GLI2: variants seen among roughly 807,000 people sequenced by gnomAD.
GLI2 encodes the protein GLI family zinc finger 2.
A neutral mutation model predicts 78.9 loss-of-function variants in GLI2; 22 were observed. The observed-to-expected ratio is 0.28, with a 90% CI of 0.20 to 0.40. The LOEUF (loss-of-function observed/expected upper bound fraction) is 0.40, where lower values mean the gene tolerates loss of function less well. Among genes scored for constraint, GLI2 ranks in the 10% least tolerant of loss-of-function variants. The probability of loss-of-function intolerance (pLI) is 1.00; values close to 1 mark genes in which losing one functional copy is unlikely to be tolerated. For synonymous variants in GLI2, 974 were observed against 963.7 expected (o/e 1.01, Z -0.20); for missense variants, 2,097 against 2,213.2 (o/e 0.95, Z 1.05).
rs138015831 is a variant in GLI2 at position 120,852,787 on chromosome 2, G to A, written c.148+55319G>A. Reference sequence around the variant, plus strand: ...TGGTACTGAGCACCCCGTATGCCTTGGTAGGTCATCAGGACCTTTGCCATT... The same window carrying A: ...TGGTACTGAGCACCCCGTATGCCTTAGTAGGTCATCAGGACCTTTGCCATT... On this transcript the variant is annotated intron_variant, in intron 2 of 13. Coordinates refer to ENST00000361492, the MANE Select transcript of GLI2 (RefSeq NM_001374353.1). Among the ~76,000 whole-genome samples the A allele has an allele frequency of 8.3e-4, 126 of 152,286 alleles. 1 individual carries two copies. Among genetic ancestry groups the A allele is most frequent in the African/African-American group, 2.9e-3 (122 of 41,562 alleles).
At chr2:120,918,695 C>T (rs1417175228) in intron 2 of GLI2, among the ~76,000 whole-genome samples, 1 of 152,236 alleles carries the variant, frequency 6.6e-6, no homozygotes, top group Non-Finnish European at 1.5e-5. Context: ...CCCACCTCGG[C>T]CTCCCAAAGA....
chr2:120,950,312 GT>G (rs1161933050), intron 3 of GLI2, among the ~76,000 whole-genome samples: 1 of 152,242 alleles, frequency 6.6e-6, no homozygotes, highest in African/African-American at 2.4e-5. Flanking sequence ...GGTAAATGTG[GT>G]TCCTGGTGAC....
intron 2 of GLI2, among the ~76,000 whole-genome samples, chr2:120,859,238 C>T (rs959649414): frequency 6.6e-6 from 1 of 152,220 alleles, no homozygotes; most frequent in Admixed American, 6.5e-5. Context: ...CCTGAGATCA[C>T]ACATTGAGTT....
chr2:120,899,422 CACACACAT>C (rs111429223), intron 2 of GLI2, among the ~76,000 whole-genome samples: 5,949 of 131,796 alleles, frequency 0.045, 179 homozygotes, highest in African/African-American at 0.12. Context: ...CACACACACA[CACACACAT>C]ACACACATGC....
At chr2:120,948,481 C>T (rs1573654719) in intron 3 of GLI2, among the ~76,000 whole-genome samples, 3 of 152,264 alleles carry the variant, frequency 2.0e-5, no homozygotes, top group South Asian at 2.1e-4. Flanking sequence ...ACCGTGGAGG[C>T]GGAAGTCCCA....
intron 2 of GLI2, among the ~76,000 whole-genome samples, chr2:120,803,041 G>A (rs1684773712): frequency 6.6e-6 from 1 of 152,264 alleles, no homozygotes; most frequent in Admixed American, 6.5e-5. Context: ...ACATGAGGTA[G>A]GGTGGGTCTT....
chr2:120,872,891 G>A (rs541844649), intron 2 of GLI2, among the ~76,000 whole-genome samples: 3 of 152,270 alleles, frequency 2.0e-5, no homozygotes, highest in Non-Finnish European at 4.4e-5. Flanking sequence ...GGCTAAACTC[G>A]AAACATTAAT....
At chr2:120,879,115 C>T (rs1424118594) in intron 2 of GLI2, among the ~76,000 whole-genome samples, 2 of 152,132 alleles carry the variant, frequency 1.3e-5, no homozygotes, top group Non-Finnish European at 2.9e-5. Flanking sequence ...CTGGCATTAG[C>T]TCATGGATCT....
At chr2:120,856,808 G>A (rs933471203) in intron 2 of GLI2, among the ~76,000 whole-genome samples, 3 of 152,196 alleles carry the variant, frequency 2.0e-5, no homozygotes, top group African/African-American at 7.2e-5. Flanking sequence ...TCGTGTGGCT[G>A]GAATGGGGAT....
intron 2 of GLI2, among the ~76,000 whole-genome samples, chr2:120,817,567 C>G (rs1219549543): frequency 1.3e-5 from 2 of 152,206 alleles, no homozygotes; most frequent in East Asian, 3.8e-4. Flanking sequence ...CCTGCCTGCC[C>G]CTTTTCCCTC....
At chr2:120,854,866 T>G (rs961554720) in intron 2 of GLI2, among the ~76,000 whole-genome samples, 1 of 152,138 alleles carries the variant, frequency 6.6e-6, no homozygotes, top group African/African-American at 2.4e-5. Context: ...AGTCCCCAGA[T>G]GCTGCTGCTG....
intron 2 of GLI2, among the ~76,000 whole-genome samples, chr2:120,916,354 A>C (rs1026702601): frequency 2.0e-5 from 3 of 152,342 alleles, no homozygotes; most frequent in Non-Finnish European, 4.4e-5. Flanking sequence ...GCCAGGGCAC[A>C]ATTGGGCATC....
At chr2:120,790,019 G>A (rs1257322984) in intron 1 of GLI2, among the ~76,000 whole-genome samples, 7 of 152,234 alleles carry the variant, frequency 4.6e-5, no homozygotes, top group African/African-American at 1.7e-4. Flanking sequence ...CCGGTGCAGC[G>A]ACACCCTAGG....
At chr2:120,954,483 T>A (rs1573666625) in intron 4 of GLI2, among the ~76,000 whole-genome samples, 2 of 152,236 alleles carry the variant, frequency 1.3e-5, no homozygotes, top group Non-Finnish European at 2.9e-5. Flanking sequence ...AAGAGAGCTC[T>A]TTTGGAATTT....
At position 120,806,705 on chromosome 2, in the gene GLI2, A is replaced by G. The variant is rs1015005618; in HGVS notation, c.148+9237A>G. ...AGATGGCTGGCACCCAGGTGGGTGCATAGCTGATCCAGGGTGCAGGCCGAG... is the reference window on the plus strand; with the variant it reads ...AGATGGCTGGCACCCAGGTGGGTGCGTAGCTGATCCAGGGTGCAGGCCGAG... On this transcript the variant is annotated intron_variant, in intron 2 of 13. Transcript: ENST00000361492. Among the ~76,000 whole-genome samples the G allele has an allele frequency of 3.5e-4, 53 of 152,314 alleles. 1 individual carries two copies. The highest frequency in any genetic ancestry group is 3.5e-3 in the Admixed American group (53 of 15,304).
At chr2:120,935,279 T>G (rs2104897783) in intron 3 of GLI2, among the ~76,000 whole-genome samples, 1 of 152,258 alleles carries the variant, frequency 6.6e-6, no homozygotes, top group Non-Finnish European at 1.5e-5. Context: ...TCCAGGGAGC[T>G]CTTCCTTAAA....
At chr2:120,924,542 T>TAC (rs56852363) in intron 2 of GLI2, among the ~76,000 whole-genome samples, 114,557 of 149,582 alleles carry the variant, frequency 0.77, 48,272 homozygotes, top group East Asian at 0.99. Context: ...CATTTAGAAA[T>TAC]ACACACACAC....
intron 11 of GLI2, among the ~76,000 whole-genome samples, chr2:120,983,740 GA>G (rs1484635411): frequency 1.3e-5 from 2 of 152,228 alleles, no homozygotes; most frequent in Non-Finnish European, 2.9e-5. Context: ...GGCTTACTCG[GA>G]AATGTATGTT....
chr2:120,968,232 G>C (rs1681953346), intron 5 of GLI2, among the ~76,000 whole-genome samples: 1 of 152,198 alleles, frequency 6.6e-6, no homozygotes, highest in Non-Finnish European at 1.5e-5. Context: ...CTGTGTGTTA[G>C]AAGCCAGGAT....
Sources: allele counts gnomAD v4.1 joint callset (sites outside exome capture counted in the v4.1 genomes callset), GRCh38; gene constraint gnomAD v4.1.1; transcripts MANE v1.5; gene names NCBI Gene and HGNC (gene_info 2026-07-23, HGNC 2026-07-21).